MTNR1B: variants seen among roughly 807,000 people sequenced by gnomAD.
The protein encoded by MTNR1B is melatonin receptor 1B.
Under a neutral mutation model 7.0 loss-of-function variants are expected in MTNR1B, and 7 were observed. The ratio of observed to expected loss-of-function variants is 1.00; its 90% confidence interval spans 0.57 to 1.88. MTNR1B has a LOEUF of 1.88. MTNR1B is among the 40% of genes most tolerant of loss of function. MTNR1B has a pLI of 0.00. For synonymous variants in MTNR1B, 226 were observed against 208.2 expected (o/e 1.09, Z -0.74); for missense variants, 478 against 486.5 (o/e 0.98, Z 0.16).
In MTNR1B at chr11:92,981,866, G is replaced by T. The variant is rs199694998; in HGVS notation, c.643G>T (p.Val215Phe). The T allele has an allele frequency of 1.4e-5, 22 of 1,614,192 alleles. No individual in the cohort carries two copies. In the East Asian group the frequency reaches 3.1e-4, roughly 23 times the overall value. Reference sequence around the variant, plus strand: ...CATCCACTTCCTCCTCCCTATCGCTGTCGTGTCCTTCTGCTACCTGCGCAT... The same window carrying T: ...CATCCACTTCCTCCTCCCTATCGCTTTCGTGTCCTTCTGCTACCTGCGCAT... ...VVIHFLLPIA[V>F]VSFCYLRIWV... Residue 215 changes from valine to phenylalanine, a missense_variant, in exon 2 of 2, where the codon GTC becomes TTC. Transcript: ENST00000257068.
At chr11:92,972,453 T>G (rs1857945479) in intron 1 of MTNR1B, 1 of 456,076 alleles carries the variant, frequency 2.2e-6, no homozygotes, top group Non-Finnish European at 4.4e-6. Context: ...TTGTCTTTTT[T>G]TTTTCAGGGA....
intron 1 of MTNR1B, among the ~76,000 whole-genome samples, chr11:92,971,319 A>T (rs1216009432): frequency 1.3e-5 from 2 of 152,180 alleles, no homozygotes; most frequent in Non-Finnish European, 2.9e-5. Flanking sequence ...GTGAGTATCC[A>T]GCCATCATAT....
chr11:92,975,511 G>A (rs1434969261), intron 1 of MTNR1B, among the ~76,000 whole-genome samples: 2 of 152,178 alleles, frequency 1.3e-5, no homozygotes, highest in African/African-American at 4.8e-5. Flanking sequence ...CCCTCCTCCA[G>A]GCCCCCAGTG....
chr11:92,971,646 G>C (rs1048726495), intron 1 of MTNR1B, among the ~76,000 whole-genome samples: 1 of 152,146 alleles, frequency 6.6e-6, no homozygotes, highest in African/African-American at 2.4e-5. Context: ...GAGCAGGTCT[G>C]TCAGGCCATG....
At chr11:92,972,419 TG>T (rs1857944225) in intron 1 of MTNR1B, 1 of 456,104 alleles carries the variant, frequency 2.2e-6, no homozygotes, top group African/African-American at 2.0e-5. Context: ...CCGCTCCTGA[TG>T]GCAGGGTGAG....
downstream of MTNR1B, among the ~76,000 whole-genome samples, chr11:92,982,941 C>CT (rs1554991427): frequency 3.3e-5 from 3 of 90,638 alleles, 1 homozygote; most frequent in African/African-American, 8.7e-5. Context: ...ACTGCACCCC[C>CT]CCCCCCCACA....
intron 1 of MTNR1B, among the ~76,000 whole-genome samples, chr11:92,972,308 T>C (rs1404806118): frequency 6.6e-6 from 1 of 152,204 alleles, no homozygotes; most frequent in Admixed American, 6.5e-5. Flanking sequence ...ATAGCCCATA[T>C]TGAGGTCACA....
intron 1 of MTNR1B, among the ~76,000 whole-genome samples, chr11:92,974,700 T>C (rs1415152937): frequency 2.0e-5 from 3 of 151,012 alleles, no homozygotes; most frequent in South Asian, 4.4e-4. Flanking sequence ...CCCCTGGGGT[T>C]CATGCCATTC....
Position 92,981,743 on chromosome 11 carries a change from C to A in MTNR1B, c.520C>A (p.Pro174Thr). 2 of 1,614,242 alleles carry A rather than the reference C, an allele frequency of 1.2e-6. No individual in the cohort carries two copies. Among genetic ancestry groups the A allele is most frequent in the Non-Finnish European group, 8.5e-7 (1 of 1,180,048 alleles). ...IWLLTVVALLPNFFVGSLEYD... is the reference protein window; with the variant it reads ...IWLLTVVALLTNFFVGSLEYD... ...GCTCCTCACCGTGGTGGCCTTGCTGCCCAACTTCTTTGTGGGGTCCCTGGA... is the reference window on the plus strand; with the variant it reads ...GCTCCTCACCGTGGTGGCCTTGCTGACCAACTTCTTTGTGGGGTCCCTGGA... The change falls in exon 2 of 2, where the codon CCC becomes ACC. Residue 174 changes from proline (P) to threonine (T), a missense_variant. Physicochemically the swap from Pro to Thr is conservative, Grantham distance 38. Transcript: ENST00000257068.
chr11:92,981,176 T>C (rs1393877450), intron 1 of MTNR1B, among the ~76,000 whole-genome samples: 2 of 152,210 alleles, frequency 1.3e-5, no homozygotes, highest in Non-Finnish European at 2.9e-5. Flanking sequence ...GAGCACTTTG[T>C]ATCATTAATT....
At chr11:92,984,845 G>T (rs1481441487), downstream of MTNR1B, 1 of 454,630 alleles carries the variant, frequency 2.2e-6, no homozygotes, top group African/African-American at 2.0e-5. Context: ...GAATCAAAAA[G>T]AATGGTAAAG....
downstream of MTNR1B, among the ~76,000 whole-genome samples, chr11:92,983,520 GAAAA>G (rs1191133660): frequency 1.0e-5 from 1 of 100,244 alleles, no homozygotes; most frequent in Admixed American, 1.2e-4. Flanking sequence ...CCCTGTCTCA[GAAAA>G]AAAAAAAAAA....
chr11:92,969,724 C>A lies in MTNR1B; in HGVS notation c.-2C>A. On this transcript the variant is annotated 5_prime_UTR_variant, in exon 1 of 2. Coordinates refer to ENST00000257068, the MANE Select transcript of MTNR1B (RefSeq NM_005959.5). ...CCAAAGCACAGCGCGGGAGAGTCTG[C>A]GATGTCAGAGAACGGCTCCTTCGCC... 1 of 1,475,974 alleles carries A rather than the reference C, an allele frequency of 6.8e-7. No homozygotes were observed. The highest frequency in any genetic ancestry group is 9.0e-7 in the Non-Finnish European group (1 of 1,114,010). The allele number at this position is 1,475,974 out of a possible 1,614,324, so 91.4% of individuals were successfully genotyped here. A position where few individuals can be genotyped will look rare whatever the true frequency, so the allele number is the denominator to read the frequency against.
chr11:92,984,091 A>T (rs1388431455), downstream of MTNR1B, among the ~76,000 whole-genome samples: 1 of 152,164 alleles, frequency 6.6e-6, no homozygotes, highest in Non-Finnish European at 1.5e-5. Flanking sequence ...CTGCATGTCC[A>T]CAATGTGCCT....
chr11:92,971,207 C>G (rs372205643), intron 1 of MTNR1B, among the ~76,000 whole-genome samples: 5 of 152,152 alleles, frequency 3.3e-5, no homozygotes, highest in Admixed American at 3.3e-4. Flanking sequence ...GTGATCCACC[C>G]GCCTCGGCCT....
chr11:92,981,877 C>T lies in MTNR1B; in HGVS notation c.654C>T (p.Phe218=), dbSNP rs1400238738. Residue 218 remains phenylalanine, a synonymous_variant, in exon 2 of 2, where the codon TTC becomes TTT. Coordinates refer to ENST00000257068, the MANE Select transcript of MTNR1B (RefSeq NM_005959.5). ...TCCTCCCTATCGCTGTCGTGTCCTT[C>T]TGCTACCTGCGCATCTGGGTGCTGG... is the stretch of plus-strand genomic sequence containing the variant. ...HFLLPIAVVS[F]CYLRIWVLVL... 3.1e-6 allele frequency: 5 copies of T among 1,614,104 alleles called. No homozygotes were observed. The highest frequency in any genetic ancestry group is 4.2e-6 in the Non-Finnish European group (5 of 1,180,040).
rs916014601 is a variant in MTNR1B at position 92,982,284 on chromosome 11, G to C, written c.1061G>C (p.Gly354Ala). The change falls in exon 2 of 2, where the codon GGT (glycine) becomes GCT (alanine). Residue 354 changes from glycine (G) to alanine (A), a missense_variant. Coordinates refer to ENST00000257068, the MANE Select transcript of MTNR1B (RefSeq NM_005959.5). The stretch of plus-strand genomic sequence containing the variant: ...CAGAGCCCAGCTCCACCCATCATTG[G>C]TGTGCAGCACCAGGCAGATGCTCTC... ...GLQSPAPPII[G>A]VQHQADAL The C allele has an allele frequency of 6.2e-7, 1 of 1,613,846 alleles. No individual in the cohort carries two copies. Among genetic ancestry groups the C allele is most frequent in the Admixed American group, 1.7e-5 (1 of 59,934 alleles).
At chr11:92,978,897 G>T (rs1290337358) in intron 1 of MTNR1B, among the ~76,000 whole-genome samples, 3 of 152,150 alleles carry the variant, frequency 2.0e-5, no homozygotes, top group Admixed American at 6.5e-5. Context: ...GGCAGAGCTG[G>T]CACCGGCTCC....
downstream of MTNR1B, chr11:92,984,784 G>A (rs186436473): frequency 1.4e-3 from 618 of 430,820 alleles, 1 homozygote; most frequent in Non-Finnish European, 1.6e-3. Flanking sequence ...TCCACTAATT[G>A]GAATTTTTTC....
Sources: allele counts gnomAD v4.1 joint callset (sites outside exome capture counted in the v4.1 genomes callset), GRCh38; gene constraint gnomAD v4.1.1; transcripts MANE v1.5; gene names NCBI Gene and HGNC (gene_info 2026-07-23, HGNC 2026-07-21).